The following TPRA1 variants were observed in gnomAD, a reference collection of about 807,000 sequenced individuals.
The protein encoded by TPRA1 is transmembrane protein adipocyte associated 1.
TPRA1 carries 28 observed loss-of-function variants against 40.1 expected under a neutral mutation model. The observed-to-expected ratio is 0.70, with a 90% CI of 0.52 to 0.96. The LOEUF is 0.96. Ranked by LOEUF, TPRA1 falls within the 40% of genes least tolerant of loss-of-function variation. The probability of loss-of-function intolerance (pLI) is 0.00; values close to 1 mark genes in which losing one functional copy is unlikely to be tolerated. For synonymous variants in TPRA1, 219 were observed against 209.7 expected (o/e 1.04, Z -0.38); for missense variants, 441 against 482.6 (o/e 0.91, Z 0.81).
chr3:127,573,293 A>G lies in TPRA1; in HGVS notation c.*228T>C. 2 of 524,408 alleles carry G rather than the reference A, an allele frequency of 3.8e-6. No individual in the cohort carries two copies. Among genetic ancestry groups the G allele is most frequent in the South Asian group, 7.0e-5 (2 of 28,594 alleles). The allele number at this position is 524,408 out of a possible 1,614,324, so 32.5% of individuals were successfully genotyped here. A position where few individuals can be genotyped will look rare whatever the true frequency, so the allele number is the denominator to read the frequency against. ...AAGGAAAGCCTGGGCCATGTCACTG[A>G]GCAGTATGAGAGCAGGTGGGAAGGG... On this transcript the variant is annotated 3_prime_UTR_variant, in exon 11 of 11. Transcript: ENST00000355552.
In TPRA1 at chr3:127,575,737, C is replaced by G; in HGVS notation, c.670+12G>C. The G allele has an allele frequency of 6.2e-7, 1 of 1,613,266 alleles. No individual in the cohort carries two copies. The highest frequency in any genetic ancestry group is 8.5e-7 in the Non-Finnish European group (1 of 1,179,834). On this transcript the variant is annotated intron_variant, in intron 8 of 10. Coordinates refer to ENST00000355552, the MANE Select transcript of TPRA1 (RefSeq NM_001136053.4). ...TCCCCGCCTGTCCCAGAGCCGCCGG[C>G]CAGCTGCTCACAAGGCAGGGAGATG...
At position 127,573,633 on chromosome 3, in the gene TPRA1, T is replaced by A; in HGVS notation, c.1010A>T (p.Gln337Leu). ...GASAASYSST[Q>L]FDSAGGVAYL... Reference sequence around the variant, plus strand: ...GGCCACCCCGCCGGCAGAGTCGAACTGCGTGCTCGAGTAGCTGGCAGCTGA... The same window carrying A: ...GGCCACCCCGCCGGCAGAGTCGAACAGCGTGCTCGAGTAGCTGGCAGCTGA... Residue 337 changes from glutamine (Q) to leucine (L), a missense_variant, in exon 11 of 11, where the codon CAG (glutamine) becomes CTG (leucine). By Grantham distance (113) the Gln-to-Leu change is moderately radical (BLOSUM62 -2). Coordinates refer to ENST00000355552, the MANE Select transcript of TPRA1 (RefSeq NM_001136053.4). The A allele has an allele frequency of 6.2e-7, 1 of 1,613,372 alleles. No homozygotes were observed. Among genetic ancestry groups the A allele is most frequent in the African/African-American group, 1.3e-5 (1 of 75,054 alleles).
chr3:127,580,199 C>T, intron 1 of TPRA1, 36 bp from the exon 2 acceptor site: 1 of 1,590,782 alleles, frequency 6.3e-7, no homozygotes, highest in Non-Finnish European at 8.5e-7. Context: ...AGCTGTGTGG[C>T]CTGGGCCACT....
intron 1 of TPRA1, among the ~76,000 whole-genome samples, chr3:127,583,107 T>C (rs1270985252): frequency 6.6e-6 from 1 of 150,576 alleles, no homozygotes; most frequent in Non-Finnish European, 1.5e-5. Context: ...GATCACACCA[T>C]TGCTCTCCAG....
chr3:127,583,256 T>C (rs2073888762), intron 1 of TPRA1, among the ~76,000 whole-genome samples: 1 of 150,864 alleles, frequency 6.6e-6, no homozygotes, highest in South Asian at 2.1e-4. Flanking sequence ...GAGGTTGCGG[T>C]GAGCTGAGAT....
At chr3:127,584,160 C>T (rs2073924211) in intron 1 of TPRA1, among the ~76,000 whole-genome samples, 1 of 147,744 alleles carries the variant, frequency 6.8e-6, no homozygotes, top group East Asian at 2.0e-4. Context: ...GCAAACTTGA[C>T]AGGGCACAGT....
intron 10 of TPRA1, 38 bp downstream of exon 10, chr3:127,575,147 C>A (rs757239447): frequency 9.4e-6 from 15 of 1,604,178 alleles, no homozygotes; most frequent in Non-Finnish European, 1.2e-5. Context: ...GCAGTTCCGC[C>A]GGCAGCCACG....
intron 1 of TPRA1, among the ~76,000 whole-genome samples, chr3:127,584,051 C>T (rs569734725): frequency 3.6e-4 from 55 of 151,594 alleles, no homozygotes; most frequent in Non-Finnish European, 6.0e-4. Flanking sequence ...GGACGTGGCA[C>T]GGAACAGAGC....
At chr3:127,584,446 C>CAA (rs1425054566) in intron 1 of TPRA1, among the ~76,000 whole-genome samples, 1 of 5,308 alleles carries the variant, frequency 1.9e-4, no homozygotes, top group African/African-American at 8.2e-4. Flanking sequence ...GAGACCCTGT[C>CAA]TAAAAAAAAA....
intron 10 of TPRA1, 36 bp from the exon 11 acceptor site, chr3:127,573,824 TGAG>T: frequency 6.6e-7 from 1 of 1,525,294 alleles, no homozygotes; most frequent in African/African-American, 1.4e-5. Flanking sequence ...GAAGCCTCAC[TGAG>T]TGATTCAGGA....
At position 127,579,853 on chromosome 3, in the gene TPRA1, A is replaced by G. The variant is rs563408312; in HGVS notation, c.145T>C (p.Leu49=). 6.2e-7 allele frequency: 1 copy of G among 1,613,950 alleles called. No individual in the cohort carries two copies. Among genetic ancestry groups the G allele is most frequent in the African/African-American group, 1.3e-5 (1 of 75,042 alleles). ...GTSRVRYWDL[L]LLIPNVLFLI... ...AAGAGCACATTGGGGATGAGCAGCAAGAGGTCCCAGTACCGGACCCTGGCG... is the reference window on the plus strand; with the variant it reads ...AAGAGCACATTGGGGATGAGCAGCAGGAGGTCCCAGTACCGGACCCTGGCG... The change falls in exon 3 of 11, where the codon TTG becomes CTG. Residue 49 remains leucine (L), a synonymous_variant. Transcript: ENST00000355552.
At chr3:127,580,840 T>A (rs1456198210) in intron 1 of TPRA1, among the ~76,000 whole-genome samples, 1 of 151,450 alleles carries the variant, frequency 6.6e-6, no homozygotes, top group African/African-American at 2.4e-5. Flanking sequence ...GCACAGGAGG[T>A]CTCCAACTGG....
At chr3:127,581,220 C>T (rs890795819) in intron 1 of TPRA1, among the ~76,000 whole-genome samples, 3 of 152,354 alleles carry the variant, frequency 2.0e-5, no homozygotes, top group Admixed American at 6.5e-5. Flanking sequence ...GGCCAGATGC[C>T]TGTGACTCTG....
chr3:127,579,720 G>A lies in TPRA1; in HGVS notation c.258+20C>T, dbSNP rs145164328. On this transcript the variant is annotated intron_variant, in intron 3 of 10. Transcript: ENST00000355552. ...TAACCCAGTTGGAGTTGGCTTTTCT[G>A]TCAACTGCAGTGAACTCACCAGGAT... is the stretch of plus-strand genomic sequence containing the variant. 2.5e-4 allele frequency: 400 copies of A among 1,612,798 alleles called. 4 individuals carry two copies. In the East Asian group the frequency reaches 4.9e-3, roughly 20 times the overall value.
intron 1 of TPRA1, among the ~76,000 whole-genome samples, chr3:127,584,776 T>C (rs774949023): frequency 2.6e-5 from 4 of 152,104 alleles, no homozygotes; most frequent in African/African-American, 7.2e-5. Context: ...AGACATAAAC[T>C]CTAAAACAGA....
chr3:127,571,232 T>C lies in TPRA1; in HGVS notation c.*2289A>G, dbSNP rs1004870903. The C allele has an allele frequency of 3.9e-5, 6 of 152,256 alleles. No individual in the cohort carries two copies. The highest frequency in any genetic ancestry group is 8.8e-5 in the Non-Finnish European group (6 of 68,050). 9.4% of individuals were successfully genotyped at this position (152,256 alleles called of 1,614,324 possible). On this transcript the variant is annotated 3_prime_UTR_variant, in exon 11 of 11. Transcript: ENST00000355552. Reference sequence around the variant, plus strand: ...GAAGTTGCATGCATACTTACATCCATTGGCCAGAACCCACCTGCAAGGAAG... The same window carrying C: ...GAAGTTGCATGCATACTTACATCCACTGGCCAGAACCCACCTGCAAGGAAG...
intron 3 of TPRA1, among the ~76,000 whole-genome samples, chr3:127,577,716 C>CT (rs1012268031): frequency 4.6e-5 from 7 of 152,166 alleles, no homozygotes; most frequent in African/African-American, 1.7e-4. Context: ...TATCCATCCC[C>CT]TTCCTCTCCC....
At position 127,580,310 on chromosome 3, in the gene TPRA1, G is replaced by T. The variant is rs1268510523; in HGVS notation, c.-17-147C>A. The T allele has an allele frequency of 3.3e-6, 3 of 910,392 alleles. No homozygotes were observed. The African/African-American group carries it at 5.0e-5, about 15-fold the overall frequency. 56.4% of individuals were successfully genotyped at this position (910,392 alleles called of 1,614,324 possible). A position where few individuals can be genotyped will look rare whatever the true frequency, so the allele number is the denominator to read the frequency against. ...TCCCCACCCACTGCAGCTCAGTGTG[G>T]GGCTCCACACAGGTCACGACCCAAT... On this transcript the variant is annotated intron_variant, in intron 1 of 10. Transcript: ENST00000355552.
upstream of TPRA1, among the ~76,000 whole-genome samples, chr3:127,591,710 T>TAA (rs1041714563): frequency 6.6e-6 from 1 of 152,158 alleles, no homozygotes; most frequent in African/African-American, 2.4e-5. Context: ...TCTCACCTGA[T>TAA]TGTTTTCATT....
Sources: gnomAD v4.1 joint callset for allele counts (sites outside exome capture counted in the v4.1 genomes callset) on GRCh38, gnomAD v4.1.1 for gene constraint, MANE v1.5 for transcripts, NCBI Gene and HGNC (gene_info 2026-07-23, HGNC 2026-07-21) for gene names.